TMEFF2: variants seen among roughly 807,000 people sequenced by gnomAD.
TMEFF2 encodes transmembrane protein with EGF like and two follistatin like domains 2, also known as tomoregulin-2.
Under a neutral mutation model 53.8 loss-of-function variants are expected in TMEFF2, and 28 were observed. The ratio of observed to expected loss-of-function variants is 0.52; its 90% CI spans 0.39 to 0.71. The LOEUF (loss-of-function observed/expected upper bound fraction) is 0.71. TMEFF2 is among the 30% of genes least tolerant of loss of function. The pLI, the probability that TMEFF2 is intolerant of heterozygous loss-of-function variation, is 0.00. For synonymous variants in TMEFF2, 162 were observed against 166.3 expected, an observed-to-expected ratio of 0.97 and a Z score of 0.20; for missense variants, 353 against 455.2, an observed-to-expected ratio of 0.78 and a Z score of 2.04.
intron 4 of TMEFF2, among the ~76,000 whole-genome samples, chr2:192,095,121 GGTTCTTA>G (rs1275947655): frequency 2.6e-5 from 4 of 152,016 alleles, no homozygotes; most frequent in African/African-American, 9.7e-5. Context: ...TTTGCCATGT[GGTTCTTA>G]GTTATCCACA....
At position 192,194,446 on chromosome 2, in the gene TMEFF2, C is replaced by A. The variant is rs759157251; in HGVS notation, c.79G>T (p.Val27Phe). The A allele has an allele frequency of 6.8e-6, 11 of 1,614,064 alleles. No individual in the cohort carries two copies. In the South Asian group the frequency reaches 1.2e-4, roughly 18 times the overall value. ...EGFCWLLLLPVMLLIVARPVK... is the reference protein window; with the variant it reads ...EGFCWLLLLPFMLLIVARPVK... Reference sequence around the variant, plus strand: ...GGGCGGGCTACGATGAGTAGCATGACGGGCAGCAGCAGCAGCCAGCAAAAG... The same window carrying A: ...GGGCGGGCTACGATGAGTAGCATGAAGGGCAGCAGCAGCAGCCAGCAAAAG... Residue 27 changes from valine (V) to phenylalanine (F), a missense_variant, in exon 1 of 10, where the codon GTC becomes TTC. This residue lies in a region of TMEFF2 where 54 missense variants were observed against 41.8 expected (regional missense o/e 1.29). Transcript: ENST00000272771. This position sits in a 1 kb window ranked among gnomAD's most constrained non-coding sequence, Gnocchi z 4.2.
At chr2:192,138,914 C>T (rs918943663) in intron 4 of TMEFF2, among the ~76,000 whole-genome samples, 3 of 152,070 alleles carry the variant, frequency 2.0e-5, no homozygotes, top group Admixed American at 2.0e-4. Flanking sequence ...TATTTTCTCC[C>T]TGGGGGGTTC....
chr2:192,017,671 T>G (rs1686772875), intron 5 of TMEFF2, among the ~76,000 whole-genome samples: 1 of 152,156 alleles, frequency 6.6e-6, no homozygotes, highest in Admixed American at 6.5e-5. Context: ...CAGTCCTAAT[T>G]CCCCTTTTTC....
intron 7 of TMEFF2, among the ~76,000 whole-genome samples, chr2:191,959,650 C>T (rs1200028087): frequency 6.6e-6 from 1 of 151,880 alleles, no homozygotes; most frequent in Admixed American, 6.6e-5. Context: ...TTACCATTGC[C>T]CCTGTATTCC....
rs1018807130 is a variant in TMEFF2, at chr2:192,001,687, A to G, written c.537-2479T>C. Among the ~76,000 whole-genome samples, 10 of 152,164 alleles carry G rather than the reference A, an allele frequency of 6.6e-5. No individual in the cohort carries two copies. In the South Asian group the frequency reaches 2.1e-3, roughly 32 times the overall value. ...GTTCTCATGATAGTGAATAAGTCTC[A>G]TGAGATCTGATGGTTTTATAAAGGG... On this transcript the variant is annotated intron_variant, in intron 5 of 9. Transcript: ENST00000272771.
At chr2:191,951,121 TAC>T (rs1553506316) in intron 9 of TMEFF2, among the ~76,000 whole-genome samples, 2 of 152,032 alleles carry the variant, frequency 1.3e-5, no homozygotes, top group Non-Finnish European at 2.9e-5. Context: ...TGAATATACA[TAC>T]ACATATATAT....
chr2:192,081,937 A>AC (rs1312756029), intron 4 of TMEFF2, among the ~76,000 whole-genome samples: 1 of 150,904 alleles, frequency 6.6e-6, no homozygotes, highest in African/African-American at 2.4e-5. Context: ...AGTATCTGGG[A>AC]CTACAGGCCC....
intron 4 of TMEFF2, among the ~76,000 whole-genome samples, chr2:192,064,784 T>C (rs1574340882): frequency 6.6e-6 from 1 of 151,854 alleles, no homozygotes; most frequent in African/African-American, 2.4e-5. Flanking sequence ...TCTTTCTTGC[T>C]TTTTCCTTCT....
At chr2:191,999,266 A>G in intron 5 of TMEFF2, 58 bp from the exon 6 acceptor site, 1 of 1,378,036 alleles carries the variant, frequency 7.3e-7, no homozygotes, top group African/African-American at 1.5e-5. Flanking sequence ...CCACATTATA[A>G]ATAAAACACA....
At position 191,956,270 on chromosome 2, in the gene TMEFF2, T is replaced by C. The variant is rs777632459; in HGVS notation, c.854A>G (p.Gln285Arg). 7 of 1,612,800 alleles carry C rather than the reference T, an allele frequency of 4.3e-6. No individual in the cohort carries two copies. In the South Asian group the frequency reaches 6.6e-5, roughly 15 times the overall value. Residue 285 changes from glutamine to arginine, a missense_variant, in exon 8 of 10, where the codon CAG (glutamine) becomes CGG (arginine). Gln to Arg is a conservative substitution (Grantham distance 43). Around this residue, in one of 3 missense-constraint regions of TMEFF2, gnomAD observed 294 missense variants for 397.3 expected, o/e 0.74. Transcript: ENST00000272771. ...AAAATGTTACCTGCAAGATGGCTCC[T>C]GCATATTGATAGAATGCTCACACTT... ...HGKCEHSINMQEPSCRCDAGY... is the reference protein window; with the variant it reads ...HGKCEHSINMREPSCRCDAGY...
chr2:192,042,934 C>T (rs988445552), intron 5 of TMEFF2, among the ~76,000 whole-genome samples: 5 of 152,182 alleles, frequency 3.3e-5, no homozygotes, highest in African/African-American at 1.2e-4. Context: ...AGAGCCACAA[C>T]ATCCTTGAAG....
chr2:192,004,809 A>G (rs1686459568), intron 5 of TMEFF2, among the ~76,000 whole-genome samples: 2 of 152,238 alleles, frequency 1.3e-5, no homozygotes, highest in Non-Finnish European at 2.9e-5. Flanking sequence ...GCTTTTGGCA[A>G]ATAATTGCAT....
intron 7 of TMEFF2, among the ~76,000 whole-genome samples, chr2:191,978,750 C>T (rs957030609): frequency 6.6e-6 from 1 of 152,182 alleles, no homozygotes; most frequent in Non-Finnish European, 1.5e-5. Flanking sequence ...GCAGTCAGCT[C>T]TTCCTGGTAG....
intron 4 of TMEFF2, among the ~76,000 whole-genome samples, chr2:192,060,296 G>A (rs1023415227): frequency 6.6e-6 from 1 of 152,106 alleles, no homozygotes; most frequent in African/African-American, 2.4e-5. Context: ...TGATTCATTA[G>A]GTGCGAGGTA....
chr2:192,051,152 A>G (rs950881508), intron 5 of TMEFF2, among the ~76,000 whole-genome samples: 2 of 151,988 alleles, frequency 1.3e-5, no homozygotes, highest in African/African-American at 4.8e-5. Context: ...TGAAACTAAA[A>G]TGTTTTCTCA....
chr2:191,950,337 T>G lies in TMEFF2; in HGVS notation c.1099A>C (p.Thr367Pro). The G allele has an allele frequency of 6.2e-7, 1 of 1,613,714 alleles. No homozygotes were observed. Among genetic ancestry groups the G allele is most frequent in the Non-Finnish European group, 8.5e-7 (1 of 1,179,774 alleles). Residue 367 changes from threonine (T) to proline (P), a missense_variant, in exon 10 of 10, where the codon ACA becomes CCA. By Grantham distance (38) the Thr-to-Pro change is conservative. Coordinates refer to ENST00000272771, the MANE Select transcript of TMEFF2 (RefSeq NM_016192.4). ...TAGATTAACCTCGTGGACGCTCTTG[T>G]TGTATTGTCTGAACTGTAGTGCCCT... ...NTGHYSSDNT[T>P]RASTRLI is the part of the protein sequence containing the mutation.
chr2:191,984,027 T>C (rs2105818149), intron 7 of TMEFF2, among the ~76,000 whole-genome samples: 1 of 152,338 alleles, frequency 6.6e-6, no homozygotes, highest in Non-Finnish European at 1.5e-5. Context: ...GTATGTATTC[T>C]GCTAAACCCT....
chr2:192,041,193 C>T (rs1687471273), intron 5 of TMEFF2, among the ~76,000 whole-genome samples: 1 of 152,076 alleles, frequency 6.6e-6, no homozygotes, highest in East Asian at 1.9e-4. Context: ...AATAGAGAAA[C>T]TACCTGCAAA....
chr2:192,100,605 A>G (rs1278022197), intron 4 of TMEFF2, among the ~76,000 whole-genome samples: 2 of 152,204 alleles, frequency 1.3e-5, no homozygotes, highest in East Asian at 1.9e-4. Flanking sequence ...CAAACAAACC[A>G]AAAACCAACT....
Sources: allele counts gnomAD v4.1 joint callset (sites outside exome capture counted in the v4.1 genomes callset), GRCh38; gene constraint gnomAD v4.1.1; regional missense constraint gnomAD v4.1.1; non-coding constraint Gnocchi (gnomAD v3.1); transcripts MANE v1.5; gene names NCBI Gene and HGNC (gene_info 2026-07-23, HGNC 2026-07-21).